Variants in HEMK2 observed in about 807,000 individuals in gnomAD.
HEMK2 encodes the protein methyltransferase HEMK2.
chr21:28,638,023 C>T, the HEMK2 span, among the ~76,000 whole-genome samples: 1 of 152,144 alleles, frequency 6.6e-6, no homozygotes, highest in Non-Finnish European at 1.5e-5. Flanking sequence ...GTACCATTTT[C>T]TTCCACATTT....
chr21:28,831,458 A>AAAGAAAGAAAGAAAAGAAT, the HEMK2 span, among the ~76,000 whole-genome samples: 1 of 37,514 alleles, frequency 2.7e-5, no homozygotes, highest in Non-Finnish European at 4.0e-5. Context: ...AAGAAAGAAA[A>AAAGAAAGAAAGAAAAGAAT]GAACGAAAGA....
the HEMK2 span, among the ~76,000 whole-genome samples, chr21:28,733,727 GT>G: frequency 3.3e-4 from 48 of 145,614 alleles, no homozygotes; most frequent in East Asian, 6.0e-4. Context: ...CAAGCCACTG[GT>G]TTTTTTTTTT....
chr21:28,603,477 T>G, the HEMK2 span, among the ~76,000 whole-genome samples: 1 of 151,878 alleles, frequency 6.6e-6, no homozygotes, highest in Non-Finnish European at 1.5e-5. Flanking sequence ...AGGATATATA[T>G]AGATAGATAG....
At chr21:28,649,566 G>A in the HEMK2 span, among the ~76,000 whole-genome samples, 1 of 152,156 alleles carries the variant, frequency 6.6e-6, no homozygotes, top group Admixed American at 6.5e-5. Context: ...ATGAACAGTA[G>A]AATTTCTGAG....
the HEMK2 span, chr21:28,875,016 GA>G: frequency 6.6e-6 from 1 of 152,304 alleles, no homozygotes. Context: ...ATATCATACA[GA>G]ACACTCTGTA....
At chr21:28,852,895 G>A in the HEMK2 span, among the ~76,000 whole-genome samples, 1 of 152,172 alleles carries the variant, frequency 6.6e-6, no homozygotes, top group Non-Finnish European at 1.5e-5. Context: ...TTGCGACTTT[G>A]CATCTGCTGT....
the HEMK2 span, among the ~76,000 whole-genome samples, chr21:28,781,038 T>TTC: frequency 3.5e-4 from 53 of 152,212 alleles, 1 homozygote; most frequent in Non-Finnish European, 1.5e-4. Context: ...GCATTTTCCT[T>TTC]TCTCTCTCTG....
the HEMK2 span, among the ~76,000 whole-genome samples, chr21:28,718,871 G>A: frequency 6.6e-6 from 1 of 152,184 alleles, no homozygotes; most frequent in Non-Finnish European, 1.5e-5. Context: ...CAAAAGAGTA[G>A]ATGAAAGTAT....
the HEMK2 span, among the ~76,000 whole-genome samples, chr21:28,684,921 A>G: frequency 2.0e-5 from 3 of 152,208 alleles, no homozygotes; most frequent in Admixed American, 2.0e-4. Flanking sequence ...AAAGTCAGAC[A>G]CTAGTTAAAG....
the HEMK2 span, among the ~76,000 whole-genome samples, chr21:28,600,852 G>A: frequency 6.6e-6 from 1 of 152,096 alleles, no homozygotes; most frequent in Non-Finnish European, 1.5e-5. Context: ...TCTAGGGCAG[G>A]GGCAAAATGC....
chr21:28,586,602 A>G, the HEMK2 span, among the ~76,000 whole-genome samples: 4 of 152,194 alleles, frequency 2.6e-5, no homozygotes, highest in Non-Finnish European at 4.4e-5. Flanking sequence ...TATCACTTTC[A>G]TCTAAGGATT....
At chr21:28,622,903 C>T in the HEMK2 span, among the ~76,000 whole-genome samples, 1 of 152,102 alleles carries the variant, frequency 6.6e-6, no homozygotes, top group African/African-American at 2.4e-5. Context: ...CTAGGCAATA[C>T]CATTCAGGAC....
the HEMK2 span, among the ~76,000 whole-genome samples, chr21:28,675,890 C>G: frequency 2.6e-5 from 4 of 152,186 alleles, no homozygotes; most frequent in African/African-American, 9.7e-5. Context: ...CCTGGAGCTG[C>G]TACAGGAAGT....
the HEMK2 span, among the ~76,000 whole-genome samples, chr21:28,736,280 G>A: frequency 3.3e-5 from 5 of 152,194 alleles, no homozygotes; most frequent in East Asian, 3.9e-4. Context: ...CACACTGTCC[G>A]TGAAGTAGGA....
At chr21:28,678,758 G>T in the HEMK2 span, among the ~76,000 whole-genome samples, 1 of 152,176 alleles carries the variant, frequency 6.6e-6, no homozygotes, top group Admixed American at 6.5e-5. Flanking sequence ...TTAAAGAAAA[G>T]AATTTTCAAC....
the HEMK2 span, among the ~76,000 whole-genome samples, chr21:28,715,625 G>A: frequency 6.6e-6 from 1 of 152,104 alleles, no homozygotes; most frequent in Non-Finnish European, 1.5e-5. Context: ...ATTTTGCTGT[G>A]CAGAAGTTCT....
the HEMK2 span, among the ~76,000 whole-genome samples, chr21:28,785,608 T>C: frequency 2.0e-5 from 3 of 152,172 alleles, no homozygotes; most frequent in Admixed American, 6.5e-5. Context: ...ATTGAAAAGG[T>C]GCGCATTTCT....
At chr21:28,787,341 A>T in the HEMK2 span, among the ~76,000 whole-genome samples, 1 of 152,236 alleles carries the variant, frequency 6.6e-6, no homozygotes, top group African/African-American at 2.4e-5. Flanking sequence ...AGCAAATGCA[A>T]TAAAAACAAA....
chr21:28,804,486 G>A, the HEMK2 span, among the ~76,000 whole-genome samples: 37 of 152,274 alleles, frequency 2.4e-4, no homozygotes, highest in South Asian at 4.3e-3. Flanking sequence ...TGTAATCTCA[G>A]CACTTTGGGA....
Sources: allele counts gnomAD v4.1 joint callset (sites outside exome capture counted in the v4.1 genomes callset), GRCh38; gene constraint gnomAD v4.1.1; transcripts MANE v1.5; gene names NCBI Gene and HGNC (gene_info 2026-07-23, HGNC 2026-07-21).